Variants in HID1 observed in about 807,000 individuals in gnomAD.
The protein encoded by HID1 is protein HID1.
In HID1, 42 loss-of-function variants were observed where a neutral mutation model predicts 89.7. The ratio of observed to expected loss-of-function variants is 0.47; its 90% CI spans 0.37 to 0.61. The LOEUF (loss-of-function observed/expected upper bound fraction) is 0.61, where lower values mean the gene tolerates loss of function less well. Ranked by LOEUF, HID1 falls within the 20% of genes least tolerant of loss-of-function variation. The pLI is 0.00. For missense variants in HID1, 854 were observed against 1,039.3 expected (o/e 0.82, Z 2.45); for synonymous variants, 442 against 433.8 (o/e 1.02, Z -0.24).
chr17:74,968,954 A>C lies in HID1; in HGVS notation c.66+3637T>G, dbSNP rs921264244. ...CCAGCCATGACAGATCTCAGCCTTG[A>C]ACTTTAGGAACAGGACTTTGCCTCC... On this transcript the variant is annotated intron_variant, in intron 1 of 18. Transcript: ENST00000425042. Among the ~76,000 whole-genome samples the C allele has an allele frequency of 3.9e-5, 6 of 152,294 alleles. 2 individuals are homozygous for C. The highest frequency in any genetic ancestry group is 3.9e-4 in the East Asian group (2 of 5,182).
At chr17:74,952,967 C>T (rs779197706) in intron 16 of HID1, 39 bp downstream of exon 16, 2 of 1,524,838 alleles carry the variant, frequency 1.3e-6, no homozygotes, top group Admixed American at 3.8e-5. Flanking sequence ...TCTGCCCAAA[C>T]CCCAGCCCCC....
intron 14 of HID1, among the ~76,000 whole-genome samples, 168 bp from the exon 15 acceptor site, chr17:74,953,819 C>G (rs2039344373): frequency 6.6e-6 from 1 of 152,012 alleles, no homozygotes. Flanking sequence ...CTGCGCCCAT[C>G]CCTCCAGAGT....
At position 74,960,107 on chromosome 17, in the gene HID1, G is replaced by T. The variant is rs139963690; in HGVS notation, c.870C>A (p.Val290=). The T allele has an allele frequency of 3.1e-4, 502 of 1,613,892 alleles. No individual in the cohort carries two copies. The highest frequency in any genetic ancestry group is 4.0e-4 in the Non-Finnish European group (468 of 1,180,058). ...LVEEAAQVLI[V]TLDHDSASSA... ...TGCTGGCACTGTCGTGGTCCAAAGTGACAATGAGCACCTGGGCAGCCTCCT... is the reference window on the plus strand; with the variant it reads ...TGCTGGCACTGTCGTGGTCCAAAGTTACAATGAGCACCTGGGCAGCCTCCT... The change falls in exon 7 of 19, where the codon GTC becomes GTA. Residue 290 remains valine (V), a synonymous_variant. Transcript: ENST00000425042.
intron 6 of HID1, chr17:74,961,570 A>C: frequency 6.2e-6 from 1 of 161,252 alleles, no homozygotes; most frequent in Non-Finnish European, 1.3e-5. Flanking sequence ...GCCTGGCCCA[A>C]TTTTACTTTT....
intron 2 of HID1, 94 bp downstream of exon 2, chr17:74,964,389 C>A: frequency 7.3e-7 from 1 of 1,377,560 alleles, no homozygotes; most frequent in Non-Finnish European, 9.9e-7. Context: ...GGGCTGCCTG[C>A]CCCTGTGGGG....
chr17:74,953,682 C>T (rs746726488), intron 14 of HID1, 31 bp from the exon 15 acceptor site: 1 of 1,559,376 alleles, frequency 6.4e-7, no homozygotes, highest in South Asian at 1.1e-5. Context: ...AGTGAGGACT[C>T]CCTGCCACAG....
Position 74,962,313 on chromosome 17 carries a change from C to T in HID1, c.532G>A (p.Asp178Asn), listed in dbSNP as rs748339586. 4.3e-6 allele frequency: 7 copies of T among 1,611,644 alleles called. No homozygotes were observed. Among genetic ancestry groups the T allele is most frequent in the Non-Finnish European group, 5.9e-6 (7 of 1,178,316 alleles). ...VDSAEDVHSL[D>N]SCEYIWEAGV... ...GCCTCCCAGATGTATTCACAGCTGT[C>T]CAGGGAGTGGACGTCCTCTGCCGAG... is the stretch of plus-strand genomic sequence containing the variant. Residue 178 changes from aspartate to asparagine, a missense_variant, in exon 5 of 19, where the codon GAC (aspartate) becomes AAC (asparagine). Asp to Asn is a conservative substitution (Grantham distance 23). Transcript: ENST00000425042. This position sits in a 1 kb window ranked among gnomAD's most constrained non-coding sequence, Gnocchi z 4.3.
intron 1 of HID1, among the ~76,000 whole-genome samples, chr17:74,968,863 C>G (rs938828513): frequency 6.6e-6 from 1 of 152,244 alleles, no homozygotes; most frequent in African/African-American, 2.4e-5. Flanking sequence ...GGCAGTGTCA[C>G]CGGGGGACTA....
At chr17:74,968,143 C>A (rs1426220974) in intron 1 of HID1, among the ~76,000 whole-genome samples, 1 of 152,018 alleles carries the variant, frequency 6.6e-6, no homozygotes, top group East Asian at 1.9e-4. Context: ...TCTGAAGCTA[C>A]TTCTTCTAAG....
intron 3 of HID1, 151 bp from the exon 4 acceptor site, chr17:74,963,232 C>G (rs1477626907): frequency 1.7e-6 from 1 of 580,558 alleles, no homozygotes; most frequent in African/African-American, 1.9e-5. Flanking sequence ...CCTGGTTGCC[C>G]CAAACCTCCC....
Position 74,951,956 on chromosome 17 carries a change from G to A in HID1, c.2252C>T (p.Ser751Leu), listed in dbSNP as rs865947998. The change falls in exon 18 of 19, where the codon TCG becomes TTG. Residue 751 changes from serine to leucine, a missense_variant. Physicochemically the swap from Ser to Leu is moderately radical, Grantham distance 145. Coordinates refer to ENST00000425042, the MANE Select transcript of HID1 (RefSeq NM_030630.3). ...GGTGCGGAACCACATGGCAGTGCCC[G>A]AGTTGGCCTGGTACTTGCGGATGAG... ...PILIRKYQAN[S>L]GTAMWFRTYM... is the part of the protein sequence containing the mutation. The A allele has an allele frequency of 3.2e-6, 5 of 1,562,106 alleles. No homozygotes were observed. The highest frequency in any genetic ancestry group is 2.3e-5 in the East Asian group (1 of 43,364).
chr17:74,955,667 A>T (rs1477159085), intron 13 of HID1, 125 bp downstream of exon 13: 3 of 774,440 alleles, frequency 3.9e-6, no homozygotes, highest in Non-Finnish European at 4.2e-6. Context: ...TGAATGAATG[A>T]ACTGGGGGCA....
chr17:74,956,980 G>A (rs2039400435), intron 12 of HID1, among the ~76,000 whole-genome samples: 2 of 152,232 alleles, frequency 1.3e-5, no homozygotes, highest in African/African-American at 4.8e-5. Flanking sequence ...CATCAGCCAC[G>A]TGTGGCCATT....
intron 12 of HID1, among the ~76,000 whole-genome samples, chr17:74,957,536 G>A (rs1188694801): frequency 2.0e-5 from 3 of 151,466 alleles, no homozygotes; most frequent in South Asian, 2.1e-4. Flanking sequence ...AAATGTTATC[G>A]GACTACCAGT....
Position 74,960,094 on chromosome 17 carries a change from C to A in HID1, c.883G>T (p.Asp295Tyr). 2 of 1,613,940 alleles carry A rather than the reference C, an allele frequency of 1.2e-6. No homozygotes were observed. The change falls in exon 7 of 19, where the codon GAC (aspartate) becomes TAC (tyrosine). Residue 295 changes from aspartate (D) to tyrosine (Y), a missense_variant. Transcript: ENST00000425042. Reference sequence around the variant, plus strand: ...GTGGGGCTGGCACTGCTGGCACTGTCGTGGTCCAAAGTGACAATGAGCACC... The same window carrying A: ...GTGGGGCTGGCACTGCTGGCACTGTAGTGGTCCAAAGTGACAATGAGCACC... ...AQVLIVTLDH[D>Y]SASSASPTVD... is the part of the protein sequence containing the mutation.
chr17:74,961,668 T>A, intron 6 of HID1: 1 of 349,866 alleles, frequency 2.9e-6, no homozygotes, highest in Middle Eastern at 7.6e-4. Flanking sequence ...CAGGGACGGA[T>A]TACTGAGGGG....
At chr17:74,956,651 C>A (rs1289346751) in intron 12 of HID1, among the ~76,000 whole-genome samples, 2 of 152,186 alleles carry the variant, frequency 1.3e-5, no homozygotes, top group Non-Finnish European at 2.9e-5. Context: ...CAGCTAGAGG[C>A]CTCTACCACC....
chr17:74,959,681 T>C lies in HID1; in HGVS notation c.1008+200A>G, dbSNP rs932442909. The stretch of plus-strand genomic sequence containing the variant: ...CATCAGCCACCTCCTCCTAGAGGCC[T>C]TCCCAGTTACCTCTACCCAGGTGAG... On this transcript the variant is annotated intron_variant, in intron 8 of 18. Coordinates refer to ENST00000425042, the MANE Select transcript of HID1 (RefSeq NM_030630.3). This position sits in a 1 kb window ranked among gnomAD's most constrained non-coding sequence, Gnocchi z 4.6. Among the ~76,000 whole-genome samples, 18 of 152,280 alleles carry C rather than the reference T, an allele frequency of 1.2e-4. No individual in the cohort carries two copies. The highest frequency in any genetic ancestry group is 9.8e-4 in the Admixed American group (15 of 15,292).
intron 6 of HID1, among the ~76,000 whole-genome samples, chr17:74,960,831 G>A (rs755416316): frequency 3.3e-5 from 5 of 152,228 alleles, no homozygotes; most frequent in Admixed American, 6.5e-5. Context: ...TCTGGAAGGC[G>A]GAGGTCGACC....
Sources: allele counts gnomAD v4.1 joint callset (sites outside exome capture counted in the v4.1 genomes callset), GRCh38; gene constraint gnomAD v4.1.1; non-coding constraint Gnocchi (gnomAD v3.1); transcripts MANE v1.5; gene names NCBI Gene and HGNC (gene_info 2026-07-23, HGNC 2026-07-21).